Variants in NR3C2 observed in about 807,000 individuals in gnomAD.
NR3C2 encodes mineralocorticoid receptor.
NR3C2 carries 15 observed loss-of-function variants against 86.4 expected under a neutral mutation model. The ratio of observed to expected loss-of-function variants is 0.17; its 90% CI spans 0.12 to 0.27. NR3C2 has a LOEUF of 0.27. Among genes scored for constraint, NR3C2 ranks in the 10% least tolerant of loss-of-function variants. NR3C2 has a pLI of 1.00. For missense variants in NR3C2, 960 were observed against 1,195.6 expected (o/e 0.80, Z 2.91); for synonymous variants, 458 against 450.5 (o/e 1.02, Z -0.21).
chr4:148,270,558 CT>C (rs894586070), intron 2 of NR3C2, among the ~76,000 whole-genome samples: 1 of 152,122 alleles, frequency 6.6e-6, no homozygotes, highest in African/African-American at 2.4e-5. Context: ...AACCTACTAT[CT>C]GACTTTGAGT....
At position 148,153,024 on chromosome 4, in the gene NR3C2, G is replaced by C. The variant is rs148701274; in HGVS notation, c.2366-411C>G. Among the ~76,000 whole-genome samples the C allele has an allele frequency of 5.3e-5, 8 of 152,322 alleles. No individual in the cohort carries two copies. In the East Asian group the frequency reaches 1.4e-3, roughly 26 times the overall value. The stretch of plus-strand genomic sequence containing the variant: ...CTGTGTATCTGCAATAATGGTGGGA[G>C]ATTTCATTGTTCATGAGTTTGTGGT... On this transcript the variant is annotated intron_variant, in intron 5 of 8. Coordinates refer to ENST00000358102, the MANE Select transcript of NR3C2 (RefSeq NM_000901.5).
chr4:148,371,338 T>C (rs897212130), intron 2 of NR3C2, among the ~76,000 whole-genome samples: 2 of 152,178 alleles, frequency 1.3e-5, no homozygotes, highest in East Asian at 3.8e-4. Flanking sequence ...CTCTTGCCTT[T>C]ACTTTTAATT....
chr4:148,287,879 T>G (rs1741605251), intron 2 of NR3C2, among the ~76,000 whole-genome samples: 1 of 152,164 alleles, frequency 6.6e-6, no homozygotes, highest in Non-Finnish European at 1.5e-5. Context: ...AGGTGCCAAC[T>G]ACATGCTAAA....
At chr4:148,228,302 T>A (rs1401628565) in intron 3 of NR3C2, among the ~76,000 whole-genome samples, 1 of 148,454 alleles carries the variant, frequency 6.7e-6, no homozygotes, top group African/African-American at 2.5e-5. Flanking sequence ...CACACCCAAG[T>A]ACTTTGCTTT....
At chr4:148,325,155 A>T (rs112033075) in intron 2 of NR3C2, among the ~76,000 whole-genome samples, 4 of 151,340 alleles carry the variant, frequency 2.6e-5, no homozygotes, top group Admixed American at 6.6e-5. Context: ...AGAGAGACAG[A>T]GTGTGTGTGT....
chr4:148,349,684 A>T (rs1745174220), intron 2 of NR3C2, among the ~76,000 whole-genome samples: 1 of 152,162 alleles, frequency 6.6e-6, no homozygotes, highest in Admixed American at 6.6e-5. Context: ...CTTAGTGTTT[A>T]TAACACATTT....
At chr4:148,141,888 G>T (rs867812678) in intron 6 of NR3C2, among the ~76,000 whole-genome samples, 38 of 152,160 alleles carry the variant, frequency 2.5e-4, no homozygotes, top group African/African-American at 8.4e-4. Context: ...ACCCTGCCAG[G>T]TCTGTGGAAA....
At chr4:148,397,483 C>T (rs993204035) in intron 2 of NR3C2, among the ~76,000 whole-genome samples, 1 of 152,220 alleles carries the variant, frequency 6.6e-6, no homozygotes, top group African/African-American at 2.4e-5. Context: ...AGCCACCAAT[C>T]TCTCAGACGG....
At chr4:148,177,933 A>T (rs1735452326) in intron 4 of NR3C2, among the ~76,000 whole-genome samples, 1 of 152,162 alleles carries the variant, frequency 6.6e-6, no homozygotes. Context: ...CTTACACATT[A>T]ATTAGTAATT....
chr4:148,380,990 G>A (rs1278390738), intron 2 of NR3C2, among the ~76,000 whole-genome samples: 1 of 152,176 alleles, frequency 6.6e-6, no homozygotes, highest in Non-Finnish European at 1.5e-5. Context: ...ACTTTGGGAA[G>A]CTGAAGTGGG....
intron 2 of NR3C2, among the ~76,000 whole-genome samples, chr4:148,419,051 T>C (rs893608483): frequency 6.6e-6 from 1 of 152,156 alleles, no homozygotes; most frequent in African/African-American, 2.4e-5. Context: ...CTCTAGCCTG[T>C]TTACATGGGT....
intron 8 of NR3C2, among the ~76,000 whole-genome samples, chr4:148,096,213 G>A (rs897439652): frequency 2.0e-5 from 3 of 152,118 alleles, no homozygotes; most frequent in African/African-American, 7.2e-5. Flanking sequence ...CAGATAAAGG[G>A]GTAATTAGAA....
At chr4:148,226,040 A>G (rs1738145114) in intron 3 of NR3C2, among the ~76,000 whole-genome samples, 1 of 152,222 alleles carries the variant, frequency 6.6e-6, no homozygotes, top group South Asian at 2.1e-4. Context: ...ATGTGTAATC[A>G]GAAAATAATA....
intron 4 of NR3C2, among the ~76,000 whole-genome samples, chr4:148,184,594 G>A (rs1384211671): frequency 6.6e-6 from 1 of 151,678 alleles, no homozygotes; most frequent in Admixed American, 6.6e-5. Flanking sequence ...TGTAATATAT[G>A]CTATTATTTG....
chr4:148,395,576 G>A (rs1481270756), intron 2 of NR3C2, among the ~76,000 whole-genome samples: 1 of 152,192 alleles, frequency 6.6e-6, no homozygotes, highest in Non-Finnish European at 1.5e-5. Context: ...AATACCAAAT[G>A]TGTGTGCTAA....
At chr4:148,126,689 A>G (rs1242262911) in intron 6 of NR3C2, among the ~76,000 whole-genome samples, 2 of 151,818 alleles carry the variant, frequency 1.3e-5, no homozygotes, top group Admixed American at 6.6e-5. Flanking sequence ...TAAAGAAAGC[A>G]TTTTTTTTGC....
chr4:148,186,609 T>C lies in NR3C2; in HGVS notation c.2014+8137A>G, dbSNP rs546165104. ...ATATAAAATGGCACAGTATTGTACA[T>C]AATCTATTTTTTTCCTCATAAGTTA... On this transcript the variant is annotated intron_variant, in intron 4 of 8. Coordinates refer to ENST00000358102, the MANE Select transcript of NR3C2 (RefSeq NM_000901.5). Among the ~76,000 whole-genome samples the C allele has an allele frequency of 1.1e-4, 17 of 152,240 alleles. No individual in the cohort carries two copies. In the East Asian group the frequency reaches 3.3e-3, roughly 29 times the overall value.
At chr4:148,251,881 G>T (rs1245806774) in intron 3 of NR3C2, among the ~76,000 whole-genome samples, 1 of 152,144 alleles carries the variant, frequency 6.6e-6, no homozygotes, top group Non-Finnish European at 1.5e-5. Context: ...ATTATAATGT[G>T]CTCTTCCTGA....
intron 7 of NR3C2, among the ~76,000 whole-genome samples, chr4:148,119,622 C>G (rs1732421838): frequency 6.6e-6 from 1 of 152,088 alleles, no homozygotes; most frequent in Admixed American, 6.6e-5. Flanking sequence ...CCCATCTCTA[C>G]TAAAAATACA....
Sources: gnomAD v4.1 joint callset for allele counts (sites outside exome capture counted in the v4.1 genomes callset) on GRCh38, gnomAD v4.1.1 for gene constraint, MANE v1.5 for transcripts, NCBI Gene and HGNC (gene_info 2026-07-23, HGNC 2026-07-21) for gene names.